LXN: variants seen among roughly 807,000 people sequenced by gnomAD.
The protein encoded by LXN is latexin, also known as MUM.
Under a neutral mutation model 29.8 loss-of-function variants are expected in LXN, and 28 were observed. The observed-to-expected ratio is 0.94, with a 90% CI of 0.70 to 1.29. LXN has a LOEUF of 1.29. Among genes scored for constraint, LXN ranks in the 50% most tolerant of loss-of-function variants. LXN has a pLI of 0.00. For missense variants in LXN, 227 were observed against 261.7 expected (o/e 0.87, Z 0.92); for synonymous variants, 77 against 89.6 (o/e 0.86, Z 0.80).
intron 3 of LXN, 119 bp downstream of exon 3, chr3:158,669,311 GTAT>G (rs1724034703): frequency 3.3e-6 from 4 of 1,197,500 alleles, no homozygotes; most frequent in Admixed American, 2.9e-5. Context: ...TTAGAAATGA[GTAT>G]TTTTGCAAAA....
At chr3:158,671,731 T>C (rs1177510543) in intron 1 of LXN, among the ~76,000 whole-genome samples, 1 of 152,202 alleles carries the variant, frequency 6.6e-6, no homozygotes, top group East Asian at 1.9e-4. Flanking sequence ...CAAACCTCGT[T>C]AGTGATTGCT....
chr3:158,672,215 C>T, intron 1 of LXN, 135 bp downstream of exon 1: 1 of 1,078,254 alleles, frequency 9.3e-7, no homozygotes, highest in Admixed American at 2.2e-5. Flanking sequence ...AGACCAGATA[C>T]CAGCAGTGTG....
chr3:158,669,973 T>TA (rs1197138648), intron 2 of LXN, among the ~76,000 whole-genome samples: 2 of 152,222 alleles, frequency 1.3e-5, no homozygotes. Context: ...CCATTACTCT[T>TA]ACTCTTTGCT....
Position 158,669,573 on chromosome 3 carries a change from G to A in LXN, c.230C>T (p.Pro77Leu), listed in dbSNP as rs770729759. 1.7e-5 allele frequency: 28 copies of A among 1,613,834 alleles called. No homozygotes were observed. In the African/African-American group the frequency reaches 2.1e-4, roughly 12 times the overall value. Residue 77 changes from proline (P) to leucine (L), a missense_variant, in exon 3 of 6, where the codon CCT becomes CTT. Transcript: ENST00000264265. ...KVNCTAEVLY[P>L]STGQETAPEV... ...TGGTGCAGTTTCTTGTCCCGTTGAAGGGTAAAGTACTTCAGCTGTGCAGTT... is the reference window on the plus strand; with the variant it reads ...TGGTGCAGTTTCTTGTCCCGTTGAAAGGTAAAGTACTTCAGCTGTGCAGTT...
intron 1 of LXN, 103 bp downstream of exon 1, chr3:158,672,247 G>C (rs1010979854): frequency 2.1e-6 from 3 of 1,420,800 alleles, no homozygotes; most frequent in Non-Finnish European, 2.9e-6. Context: ...AAGGTGGGTA[G>C]GGGGTGGCAC....
At position 158,672,337 on chromosome 3, in the gene LXN, C is replaced by T. The variant is rs767473371; in HGVS notation, c.129+13G>A. The stretch of plus-strand genomic sequence containing the variant: ...TGAAGCCTCTGCTGTCCACCACCCC[C>T]TGCTAAACTCACCTCCATGCTGGCT... On this transcript the variant is annotated intron_variant, in intron 1 of 5. Transcript: ENST00000264265. The T allele has an allele frequency of 6.2e-7, 1 of 1,613,224 alleles. No individual in the cohort carries two copies. The highest frequency in any genetic ancestry group is 1.3e-5 in the African/African-American group (1 of 74,898).
intron 4 of LXN, 114 bp downstream of exon 4, chr3:158,668,882 G>T: frequency 1.1e-6 from 1 of 927,282 alleles, no homozygotes; most frequent in Non-Finnish European, 1.6e-6. Context: ...TGAAATCCCA[G>T]GTTTGCTATT....
Position 158,671,008 on chromosome 3 carries a change from TCC to T in LXN, c.139_140del (p.Gly47LysfsTer4). On this transcript the variant is annotated frameshift_variant, in exon 2 of 6. Transcript: ENST00000264265. LOFTEE classifies it high-confidence loss of function. ...VKQASMEDIP[G>X]RGHKYHLKFA... ...ATTTAAGGTGATACTTATGTCCTCTTCCTGGAATATCCTAAAATTAAGAAAAT... is the reference window on the plus strand; with the variant it reads ...ATTTAAGGTGATACTTATGTCCTCTTTGGAATATCCTAAAATTAAGAAAAT... 3 of 1,530,174 alleles carry T rather than the reference TCC, an allele frequency of 2.0e-6. No individual in the cohort carries two copies. The highest frequency in any genetic ancestry group is 2.6e-6 in the Non-Finnish European group (3 of 1,142,698). 94.8% of individuals were successfully genotyped at this position (1,530,174 alleles called of 1,614,324 possible). A position where few individuals can be genotyped will look rare whatever the true frequency, so the allele number is the denominator to read the frequency against.
intron 2 of LXN, among the ~76,000 whole-genome samples, chr3:158,670,119 A>T (rs1195946270): frequency 6.6e-6 from 1 of 152,232 alleles, no homozygotes; most frequent in African/African-American, 2.4e-5. Context: ...GAATCTCTTT[A>T]TGAATTATGC....
intron 4 of LXN, 42 bp from the exon 5 acceptor site, chr3:158,667,116 C>G (rs779696609): frequency 4.0e-6 from 6 of 1,512,342 alleles, no homozygotes; most frequent in Non-Finnish European, 5.3e-6. Context: ...AACTTAATAT[C>G]TTTGGCAAAA....
rs761652058 is a variant in LXN at position 158,669,001 on chromosome 3, G to C, written c.502C>G (p.Gln168Glu). The C allele has an allele frequency of 1.2e-6, 2 of 1,609,892 alleles. No individual in the cohort carries two copies. The highest frequency in any genetic ancestry group is 2.7e-5 in the African/African-American group (2 of 74,680). Residue 168 changes from glutamine to glutamate, a missense_variant, in exon 4 of 6, where the codon CAA becomes GAA. Physicochemically the swap from Gln to Glu is conservative, Grantham distance 29 (BLOSUM62 2). Transcript: ENST00000264265. ...YKMVKIQTVK[Q>E]VQRNDDFIEL... ...ATTTTATAGAAACTACTTACCACTT[G>C]CTTGACAGTTTGAATTTTTACCATT...
intron 4 of LXN, 67 bp downstream of exon 4, chr3:158,668,929 T>G (rs1384901115): frequency 7.2e-7 from 1 of 1,381,786 alleles, no homozygotes; most frequent in Non-Finnish European, 1.0e-6. Flanking sequence ...GTTAATCCAA[T>G]TATGAATTAC....
intron 5 of LXN, 68 bp downstream of exon 5, chr3:158,666,944 C>A (rs56321207): frequency 0.15 from 229,692 of 1,545,516 alleles, 18,166 homozygotes; most frequent in African/African-American, 0.23. Context: ...ATTAATAAAG[C>A]ATACTGTGGC....
intron 5 of LXN, 132 bp downstream of exon 5, chr3:158,666,880 A>C: frequency 1.4e-6 from 2 of 1,448,102 alleles, no homozygotes; most frequent in Non-Finnish European, 1.9e-6. Context: ...CAATTATAAT[A>C]TACTTAAATC....
At position 158,671,601 on chromosome 3, in the gene LXN, A is replaced by G. The variant is rs182679909; in HGVS notation, c.130-582T>C. Among the ~76,000 whole-genome samples the G allele has an allele frequency of 2.5e-4, 38 of 152,350 alleles. No homozygotes were observed. The East Asian group carries it at 7.3e-3, about 29-fold the overall frequency. On this transcript the variant is annotated intron_variant, in intron 1 of 5. Transcript: ENST00000264265. ...TTGAAAATTTATACCTAATTCTGTT[A>G]TCTGGTACAGTTTCAAAATAAGATC...
intron 5 of LXN, 25 bp downstream of exon 5, chr3:158,666,987 C>A: frequency 6.3e-7 from 1 of 1,585,096 alleles, no homozygotes; most frequent in South Asian, 1.2e-5. Flanking sequence ...AGAATGGCAT[C>A]AAATAAAGGT....
At chr3:158,668,575 T>G (rs892919824) in intron 4 of LXN, among the ~76,000 whole-genome samples, 1 of 152,188 alleles carries the variant, frequency 6.6e-6, no homozygotes, top group African/African-American at 2.4e-5. Flanking sequence ...CCCGAAAGAT[T>G]AAGAGCTATG....
In LXN at chr3:158,669,456, G is replaced by A. The variant is rs1350603791; in HGVS notation, c.347C>T (p.Pro116Leu). 2 of 1,612,674 alleles carry A rather than the reference G, an allele frequency of 1.2e-6. No individual in the cohort carries two copies. Among genetic ancestry groups the A allele is most frequent in the Non-Finnish European group, 8.5e-7 (1 of 1,179,562 alleles). The change falls in exon 3 of 6, where the codon CCG (proline) becomes CTG (leucine). Residue 116 changes from proline to leucine, a missense_variant. Transcript: ENST00000264265. ...FYQRLKSMKE[P>L]LEAQNIPDNF... ...ACCTGGAATATTTTGTGCTTCTAGC[G>A]GTTCCTTCATGGACTTAAGTCTTTG...
At position 158,666,700 on chromosome 3, in the gene LXN, G is replaced by A. The variant is rs534880288; in HGVS notation, c.615C>T (p.Tyr205=). The A allele has an allele frequency of 1.6e-5, 26 of 1,613,870 alleles. No homozygotes were observed. Among genetic ancestry groups the A allele is most frequent in the South Asian group, 1.3e-4 (12 of 91,066 alleles). Residue 205 remains tyrosine, a synonymous_variant, in exon 6 of 6, where the codon TAC becomes TAT. Coordinates refer to ENST00000264265, the MANE Select transcript of LXN (RefSeq NM_020169.4). ...GGCTATTATGTTTTACTTTAGTGCCGTATTGTGGATGCCAGAGAACTTGCA... is the reference window on the plus strand; with the variant it reads ...GGCTATTATGTTTTACTTTAGTGCCATATTGTGGATGCCAGAGAACTTGCA... The part of the protein sequence containing the change: ...WQMQVLWHPQ[Y]GTKVKHNSRL...
Sources: gnomAD v4.1 joint callset for allele counts (sites outside exome capture counted in the v4.1 genomes callset) on GRCh38, gnomAD v4.1.1 for gene constraint, MANE v1.5 for transcripts, NCBI Gene and HGNC (gene_info 2026-07-23, HGNC 2026-07-21) for gene names.